The following ANKIB1 variants were observed in gnomAD, a reference collection of about 807,000 sequenced individuals.
ANKIB1 encodes the protein ankyrin repeat and IBR domain-containing protein 1.
ANKIB1 carries 43 observed loss-of-function variants against 122.1 expected under a neutral mutation model. The ratio of observed to expected loss-of-function variants is 0.35; its 90% CI spans 0.28 to 0.45. The LOEUF (loss-of-function observed/expected upper bound fraction) is 0.45, where lower values mean the gene tolerates loss of function less well. Among genes scored for constraint, ANKIB1 ranks in the 20% least tolerant of loss-of-function variants. The pLI, the probability that ANKIB1 is intolerant of heterozygous loss-of-function variation, is 1.00. For synonymous variants in ANKIB1, 390 were observed against 442.0 expected, an observed-to-expected ratio of 0.88 and a Z score of 1.48; for missense variants, 992 against 1,329.5, an observed-to-expected ratio of 0.75 and a Z score of 3.95.
intron 3 of ANKIB1, among the ~76,000 whole-genome samples, chr7:92,316,572 G>A (rs765864961): frequency 6.6e-6 from 1 of 152,166 alleles, no homozygotes; most frequent in Non-Finnish European, 1.5e-5. Flanking sequence ...CCAAATGGCA[G>A]CAATGAGATA....
At chr7:92,279,466 G>A (rs1368703123) in intron 1 of ANKIB1, among the ~76,000 whole-genome samples, 2 of 152,182 alleles carry the variant, frequency 1.3e-5, no homozygotes, top group Non-Finnish European at 2.9e-5. Flanking sequence ...CAGAGAATAA[G>A]TCCTTTCCTG....
chr7:92,310,058 T>A (rs570450532), intron 3 of ANKIB1, among the ~76,000 whole-genome samples: 3 of 151,348 alleles, frequency 2.0e-5, no homozygotes, highest in African/African-American at 7.3e-5. Context: ...GACATACTTA[T>A]TAAATTTTTC....
chr7:92,365,816 T>TG (rs1804063762), intron 10 of ANKIB1, among the ~76,000 whole-genome samples: 1 of 72,990 alleles, frequency 1.4e-5, no homozygotes, highest in African/African-American at 8.0e-5. Context: ...TTTTTTTTTT[T>TG]GAGACAGTCT....
intron 11 of ANKIB1, among the ~76,000 whole-genome samples, chr7:92,372,112 G>T (rs566582756): frequency 6.6e-6 from 1 of 152,080 alleles, no homozygotes; most frequent in African/African-American, 2.4e-5. Flanking sequence ...CCCAAATCCA[G>T]TCCATATACT....
At chr7:92,357,732 CAAAAAAA>C (rs961949515) in intron 9 of ANKIB1, among the ~76,000 whole-genome samples, 6 of 75,042 alleles carry the variant, frequency 8.0e-5, no homozygotes, top group South Asian at 4.0e-4. Flanking sequence ...AAGACTCTCT[CAAAAAAA>C]AAAAAAAAAA....
chr7:92,318,537 G>A (rs1379942522), intron 3 of ANKIB1, among the ~76,000 whole-genome samples: 1 of 152,084 alleles, frequency 6.6e-6, no homozygotes, highest in African/African-American at 2.4e-5. Context: ...TCCTGTGACT[G>A]TCAGGCTGTC....
intron 7 of ANKIB1, among the ~76,000 whole-genome samples, chr7:92,349,168 G>A (rs1803605767): frequency 6.6e-6 from 1 of 152,196 alleles, no homozygotes. Context: ...TAGGTTATTG[G>A]ATAGTGCAAG....
In ANKIB1 at chr7:92,390,116, A is replaced by G. The variant is rs1404496796; in HGVS notation, c.2052A>G (p.Gln684=). The G allele has an allele frequency of 1.3e-6, 2 of 1,560,396 alleles. No individual in the cohort carries two copies. Among genetic ancestry groups the G allele is most frequent in the Non-Finnish European group, 8.6e-7 (1 of 1,159,632 alleles). The stretch of plus-strand genomic sequence containing the variant: ...AGAAAGAAATTTTTGAACTAATGCA[A>G]GTAAGATTTTTTTAATTACATTTAA... ...STKKEIFELM[Q]TDLEMVTEDL... Residue 684 remains glutamine, a splice_region_variant and synonymous_variant, in exon 15 of 20, where the codon CAA becomes CAG. Coordinates refer to ENST00000265742, the MANE Select transcript of ANKIB1 (RefSeq NM_019004.2).
intron 1 of ANKIB1, among the ~76,000 whole-genome samples, chr7:92,252,578 G>A (rs1300011959): frequency 1.3e-5 from 2 of 151,056 alleles, no homozygotes; most frequent in South Asian, 2.1e-4. Flanking sequence ...GTAGAGATGG[G>A]GTTTCACCTC....
chr7:92,270,329 C>A (rs1174918171), intron 1 of ANKIB1, among the ~76,000 whole-genome samples: 1 of 152,044 alleles, frequency 6.6e-6, no homozygotes, highest in Non-Finnish European at 1.5e-5. Context: ...TCCCAAAGTG[C>A]TGGGATTATA....
At position 92,392,298 on chromosome 7, in the gene ANKIB1, TG is replaced by T. The variant is rs1804802086; in HGVS notation, c.2283+7del. The T allele has an allele frequency of 6.2e-7, 1 of 1,609,526 alleles. No homozygotes were observed. Among genetic ancestry groups the T allele is most frequent in the African/African-American group, 1.3e-5 (1 of 74,920 alleles). ...TAGGATTTGCATCACCAGAGGTAATTGTTTTATGGGGTTTTTGTTTTTGTAT... is the reference window on the plus strand; with the variant it reads ...TAGGATTTGCATCACCAGAGGTAATTTTTTATGGGGTTTTTGTTTTTGTAT... On this transcript the variant is annotated splice_region_variant and intron_variant, in intron 17 of 19. Coordinates refer to ENST00000265742, the MANE Select transcript of ANKIB1 (RefSeq NM_019004.2).
At chr7:92,307,065 C>T (rs574965077) in intron 2 of ANKIB1, among the ~76,000 whole-genome samples, 1 of 152,146 alleles carries the variant, frequency 6.6e-6, no homozygotes, top group South Asian at 2.1e-4. Flanking sequence ...CATTCCTCAC[C>T]TGTTATATTT....
At chr7:92,259,989 A>G (rs189643218) in intron 1 of ANKIB1, among the ~76,000 whole-genome samples, 27 of 152,268 alleles carry the variant, frequency 1.8e-4, no homozygotes, top group African/African-American at 6.3e-4. Context: ...GGATTAGTGC[A>G]GCCACTTCCT....
chr7:92,378,845 G>A (rs1476183820), intron 11 of ANKIB1, among the ~76,000 whole-genome samples: 1 of 152,200 alleles, frequency 6.6e-6, no homozygotes, highest in Non-Finnish European at 1.5e-5. Context: ...AAGTAGCAGA[G>A]TACACAATTA....
intron 14 of ANKIB1, among the ~76,000 whole-genome samples, chr7:92,388,593 T>C (rs1347508935): frequency 1.3e-5 from 2 of 152,242 alleles, no homozygotes; most frequent in East Asian, 1.9e-4. Context: ...AAATATGGAT[T>C]GAGTATTGAC....
chr7:92,306,573 A>G (rs560293863), intron 2 of ANKIB1, among the ~76,000 whole-genome samples: 156 of 152,200 alleles, frequency 1.0e-3, no homozygotes, highest in African/African-American at 3.7e-3. Context: ...GCACAGAGAC[A>G]TGGTGGGAGT....
Position 92,367,064 on chromosome 7 carries a change from A to G in ANKIB1, c.1487-4413A>G, listed in dbSNP as rs181702066. Among the ~76,000 whole-genome samples the G allele has an allele frequency of 1.8e-4, 27 of 152,334 alleles. No individual in the cohort carries two copies. The Middle Eastern group carries it at 0.01, about 58-fold the overall frequency. ...CTGATACTAAGAGGAGGAAAGAAAT[A>G]GAAAAGCTAGAAAATGGTATAGATG... On this transcript the variant is annotated intron_variant, in intron 10 of 19. Coordinates refer to ENST00000265742, the MANE Select transcript of ANKIB1 (RefSeq NM_019004.2).
At chr7:92,247,576 A>G (rs745406598) in intron 1 of ANKIB1, among the ~76,000 whole-genome samples, 6 of 152,182 alleles carry the variant, frequency 3.9e-5, no homozygotes, top group Non-Finnish European at 8.8e-5. Flanking sequence ...CAGATTTTTG[A>G]ACTAGGCGTT....
chr7:92,342,654 A>G (rs2131975342), intron 5 of ANKIB1, among the ~76,000 whole-genome samples: 1 of 152,306 alleles, frequency 6.6e-6, no homozygotes, highest in African/African-American at 2.4e-5. Flanking sequence ...GAGGACAGTT[A>G]AAAAATTATA....
Sources: gnomAD v4.1 joint callset for allele counts (sites outside exome capture counted in the v4.1 genomes callset) on GRCh38, gnomAD v4.1.1 for gene constraint, MANE v1.5 for transcripts, NCBI Gene and HGNC (gene_info 2026-07-23, HGNC 2026-07-21) for gene names.